KCNQ5: variants seen among roughly 807,000 people sequenced by gnomAD.
KCNQ5 encodes potassium voltage-gated channel subfamily Q member 5, also known as potassium voltage-gated channel subfamily KQT member 5.
KCNQ5 carries 30 observed loss-of-function variants against 98.2 expected under a neutral mutation model. That is an observed-to-expected ratio of 0.31 (90% CI 0.23 to 0.41). The LOEUF (loss-of-function observed/expected upper bound fraction) is 0.41. Ranked by LOEUF, KCNQ5 falls within the 10% of genes least tolerant of loss-of-function variation. The pLI is 1.00. For synonymous variants in KCNQ5, 458 were observed against 449.4 expected, an observed-to-expected ratio of 1.02 and a Z score of -0.24; for missense variants, 835 against 1,182.5, an observed-to-expected ratio of 0.71 and a Z score of 4.31.
intron 1 of KCNQ5, among the ~76,000 whole-genome samples, chr6:72,868,062 C>T (rs1356370991): frequency 4.6e-5 from 7 of 152,002 alleles, no homozygotes; most frequent in African/African-American, 1.5e-4. Flanking sequence ...AGGGCCAATC[C>T]GTCAGTCACA....
chr6:72,925,856 A>G (rs1451377518), intron 1 of KCNQ5, among the ~76,000 whole-genome samples: 1 of 152,180 alleles, frequency 6.6e-6, no homozygotes, highest in African/African-American at 2.4e-5. Context: ...TGAAGGTGAC[A>G]GTCATTAATT....
intron 7 of KCNQ5, among the ~76,000 whole-genome samples, chr6:73,116,257 A>G (rs879535587): frequency 3.3e-5 from 5 of 152,194 alleles, no homozygotes; most frequent in Admixed American, 6.5e-5. Context: ...GGATGAAAGG[A>G]GGGGAAGAGG....
intron 1 of KCNQ5, chr6:72,987,761 T>A (rs1174830148): frequency 2.1e-6 from 1 of 474,056 alleles, no homozygotes; most frequent in Non-Finnish European, 3.9e-6. Context: ...ACTCTAGAGT[T>A]TTGTCCCCTC....
chr6:72,805,496 T>G (rs1423257762), intron 1 of KCNQ5, among the ~76,000 whole-genome samples: 1 of 152,190 alleles, frequency 6.6e-6, no homozygotes, highest in Non-Finnish European at 1.5e-5. Flanking sequence ...TGGATTTGTT[T>G]CTGGGTTCTC....
At chr6:72,854,742 A>G (rs1179596804) in intron 1 of KCNQ5, among the ~76,000 whole-genome samples, 7 of 110,818 alleles carry the variant, frequency 6.3e-5, no homozygotes, top group Admixed American at 6.2e-4. Flanking sequence ...ACACACACAC[A>G]CACACACACC....
chr6:72,904,474 T>C (rs1779624307), intron 1 of KCNQ5, among the ~76,000 whole-genome samples: 1 of 152,214 alleles, frequency 6.6e-6, no homozygotes, highest in African/African-American at 2.4e-5. Flanking sequence ...GTGAGATTTA[T>C]GCTTTAAAGA....
chr6:73,156,803 G>A (rs1227300344), intron 10 of KCNQ5, among the ~76,000 whole-genome samples: 1 of 152,216 alleles, frequency 6.6e-6, no homozygotes, highest in Non-Finnish European at 1.5e-5. Context: ...ATGAGGAGCA[G>A]CGGCAGGCAG....
intron 5 of KCNQ5, among the ~76,000 whole-genome samples, chr6:73,082,109 C>G (rs1425435691): frequency 6.6e-6 from 1 of 152,194 alleles, no homozygotes; most frequent in Admixed American, 6.5e-5. Flanking sequence ...AATGGTCCAG[C>G]TGAAGAGATG....
chr6:72,918,297 G>A (rs1780251164), intron 1 of KCNQ5, among the ~76,000 whole-genome samples: 1 of 151,992 alleles, frequency 6.6e-6, no homozygotes, highest in African/African-American at 2.4e-5. Context: ...TTAAGTATGG[G>A]ACCCCTGTTT....
chr6:73,009,973 G>A (rs767272450), intron 2 of KCNQ5, among the ~76,000 whole-genome samples: 91 of 152,190 alleles, frequency 6.0e-4, no homozygotes, highest in Non-Finnish European at 1.2e-3. Flanking sequence ...CAATCCTTCT[G>A]AAACTATTCC....
At chr6:72,677,803 T>C (rs968428148) in intron 1 of KCNQ5, among the ~76,000 whole-genome samples, 1 of 152,198 alleles carries the variant, frequency 6.6e-6, no homozygotes, top group African/African-American at 2.4e-5. Flanking sequence ...ATAAATCAAA[T>C]ATCAACATAC....
At chr6:73,025,443 G>A (rs1305793915) in intron 2 of KCNQ5, among the ~76,000 whole-genome samples, 1 of 151,916 alleles carries the variant, frequency 6.6e-6, no homozygotes, top group Non-Finnish European at 1.5e-5. Flanking sequence ...CTAACATGGC[G>A]AAACCCCATC....
Position 73,077,508 on chromosome 6 carries a change from C to A in KCNQ5, c.792+11C>A, listed in dbSNP as rs1406167175. ...TATGCTCACAGCAAGGTAAGATTTGCTCTCTGAATTTAAAAACACAATTTT... is the reference window on the plus strand; with the variant it reads ...TATGCTCACAGCAAGGTAAGATTTGATCTCTGAATTTAAAAACACAATTTT... On this transcript the variant is annotated intron_variant, in intron 4 of 13. Coordinates refer to ENST00000370398, the MANE Select transcript of KCNQ5 (RefSeq NM_019842.4). 6.3e-7 allele frequency: 1 copy of A among 1,598,290 alleles called. No individual in the cohort carries two copies. The highest frequency in any genetic ancestry group is 2.2e-5 in the East Asian group (1 of 44,720).
chr6:72,765,212 GGTTGTACTAATT>G (rs1204085845), intron 1 of KCNQ5, among the ~76,000 whole-genome samples: 8 of 151,926 alleles, frequency 5.3e-5, no homozygotes, highest in Non-Finnish European at 1.2e-4. Flanking sequence ...TTTCCATAGT[GGTTGTACTAATT>G]TACATTCCCA....
intron 1 of KCNQ5, among the ~76,000 whole-genome samples, chr6:72,934,122 C>A (rs779692751): frequency 4.6e-5 from 7 of 152,140 alleles, no homozygotes; most frequent in Non-Finnish European, 7.3e-5. Context: ...ATGTCAGAGG[C>A]ATGAAGATCC....
intron 7 of KCNQ5, among the ~76,000 whole-genome samples, chr6:73,118,935 C>T (rs1775628847): frequency 1.3e-5 from 2 of 152,164 alleles, no homozygotes; most frequent in Non-Finnish European, 2.9e-5. Context: ...GCACGAGCAT[C>T]GCTTGAACCC....
chr6:72,874,410 G>A (rs188463070), intron 1 of KCNQ5, among the ~76,000 whole-genome samples: 95 of 152,112 alleles, frequency 6.2e-4, no homozygotes, highest in Non-Finnish European at 1.1e-3. Flanking sequence ...TAGAGTTTGG[G>A]ACCTGGATGG....
At chr6:72,910,561 GGGGTGT>G (rs371536023) in intron 1 of KCNQ5, among the ~76,000 whole-genome samples, 5,786 of 102,820 alleles carry the variant, frequency 0.056, 140 homozygotes, top group South Asian at 0.12. Context: ...GAAAGGTAGG[GGGGTGT>G]GTGTGTGTGT....
chr6:72,678,564 A>G (rs952963880), intron 1 of KCNQ5: 2 of 152,194 alleles, frequency 1.3e-5, no homozygotes, highest in Non-Finnish European at 2.9e-5. Context: ...GGTCATATGT[A>G]TCGTATTTTT....
Sources: gnomAD v4.1 joint callset for allele counts (sites outside exome capture counted in the v4.1 genomes callset) on GRCh38, gnomAD v4.1.1 for gene constraint, MANE v1.5 for transcripts, NCBI Gene and HGNC (gene_info 2026-07-23, HGNC 2026-07-21) for gene names.